MACROD2: variants seen among roughly 807,000 people sequenced by gnomAD.
MACROD2 encodes the protein mono-ADP ribosylhydrolase 2.
MACROD2 carries 36 observed loss-of-function variants against 70.4 expected under a neutral mutation model. The observed-to-expected ratio is 0.51, with a 90% CI of 0.39 to 0.68. The LOEUF (loss-of-function observed/expected upper bound fraction) is 0.68. Among genes scored for constraint, MACROD2 ranks in the 30% least tolerant of loss-of-function variants. The probability of loss-of-function intolerance (pLI) is 0.00; values close to 1 mark genes in which losing one functional copy is unlikely to be tolerated. For synonymous variants in MACROD2, 172 were observed against 178.8 expected (o/e 0.96, Z 0.30); for missense variants, 496 against 538.4 (o/e 0.92, Z 0.78).
intron 5 of MACROD2, among the ~76,000 whole-genome samples, chr20:14,744,447 AT>A (rs1390635703): frequency 6.6e-6 from 1 of 152,154 alleles, no homozygotes; most frequent in African/African-American, 2.4e-5. Context: ...TTACATAATT[AT>A]CATGTTTGTG....
At chr20:15,344,563 A>G (rs762362268) in intron 6 of MACROD2, among the ~76,000 whole-genome samples, 1 of 152,068 alleles carries the variant, frequency 6.6e-6, no homozygotes, top group Non-Finnish European at 1.5e-5. Context: ...GTATAGAAAC[A>G]ATTATTTTTT....
chr20:15,633,334 A>G (rs1454160267), intron 8 of MACROD2, among the ~76,000 whole-genome samples: 1 of 152,220 alleles, frequency 6.6e-6, no homozygotes, highest in African/African-American at 2.4e-5. Context: ...AGTAAGCACT[A>G]TAAGTAAGAA....
chr20:15,352,077 C>G (rs1369006312), intron 6 of MACROD2, among the ~76,000 whole-genome samples: 4 of 152,136 alleles, frequency 2.6e-5, no homozygotes, highest in Non-Finnish European at 5.9e-5. Context: ...GAAGCTCAAA[C>G]TGAGGCAGCC....
intron 6 of MACROD2, among the ~76,000 whole-genome samples, chr20:15,239,693 C>T (rs1481419932): frequency 6.6e-6 from 1 of 152,086 alleles, no homozygotes; most frequent in Non-Finnish European, 1.5e-5. Flanking sequence ...GGATGCACAA[C>T]AGAAAAGCTT....
chr20:14,168,316 T>A (rs938790275), intron 3 of MACROD2, among the ~76,000 whole-genome samples: 2 of 152,208 alleles, frequency 1.3e-5, no homozygotes, highest in Non-Finnish European at 2.9e-5. Context: ...ACCTTCTAAG[T>A]TGTTGCAGCA....
At chr20:15,106,860 C>G (rs776408990) in intron 5 of MACROD2, among the ~76,000 whole-genome samples, 18 of 151,636 alleles carry the variant, frequency 1.2e-4, no homozygotes, top group Non-Finnish European at 2.1e-4. Context: ...GGTATAGCAA[C>G]AGCATTGAAC....
intron 6 of MACROD2, among the ~76,000 whole-genome samples, chr20:15,302,522 A>C (rs1195623478): frequency 2.0e-5 from 3 of 151,742 alleles, no homozygotes; most frequent in Non-Finnish European, 2.9e-5. Flanking sequence ...GAACTCACTC[A>C]TTCTTAAATA....
At chr20:14,848,007 A>C (rs750365555) in intron 5 of MACROD2, among the ~76,000 whole-genome samples, 3 of 152,226 alleles carry the variant, frequency 2.0e-5, no homozygotes, top group Non-Finnish European at 4.4e-5. Flanking sequence ...TGAATGTGGA[A>C]AAATGCTATT....
At chr20:14,626,497 C>T (rs1469342988) in intron 4 of MACROD2, among the ~76,000 whole-genome samples, 1 of 152,066 alleles carries the variant, frequency 6.6e-6, no homozygotes, top group Non-Finnish European at 1.5e-5. Context: ...TCCTAGTCAC[C>T]CTTTAGGGAC....
At position 14,944,485 on chromosome 20, in the gene MACROD2, C is replaced by G. The variant is rs139052899; in HGVS notation, c.418+259526C>G. Among the ~76,000 whole-genome samples the G allele has an allele frequency of 5.2e-3, 796 of 152,236 alleles. 3 individuals carry two copies. Among genetic ancestry groups the G allele is most frequent in the Middle Eastern group, 0.034 (10 of 294 alleles). ...ATCCCCAATGATAACTTTTCTCATC[C>G]GGTACTGTCAGTACTAGGCTTGTCT... On this transcript the variant is annotated intron_variant, in intron 5 of 17. Coordinates refer to ENST00000684519, the MANE Select transcript of MACROD2 (RefSeq NM_001351661.2).
At chr20:15,670,205 A>G (rs2049960538) in intron 8 of MACROD2, among the ~76,000 whole-genome samples, 1 of 152,232 alleles carries the variant, frequency 6.6e-6, no homozygotes. Flanking sequence ...CAACAGTTAA[A>G]TAGAGTTAAA....
intron 8 of MACROD2, among the ~76,000 whole-genome samples, chr20:15,736,860 C>T (rs144307280): frequency 1.5e-3 from 225 of 152,210 alleles, no homozygotes; most frequent in African/African-American, 5.2e-3. Flanking sequence ...GAACCACTCT[C>T]CCATTGATAT....
At chr20:14,762,366 C>T (rs1325124278) in intron 5 of MACROD2, among the ~76,000 whole-genome samples, 2 of 152,120 alleles carry the variant, frequency 1.3e-5, no homozygotes, top group South Asian at 2.1e-4. Flanking sequence ...ATTCTTCTTT[C>T]TCAGCTCCTT....
chr20:14,293,440 TAA>T (rs1303902434), intron 3 of MACROD2, among the ~76,000 whole-genome samples: 2 of 151,814 alleles, frequency 1.3e-5, no homozygotes, highest in Non-Finnish European at 2.9e-5. Context: ...AAAGCCTCTT[TAA>T]AGAGATGACA....
At chr20:15,504,316 C>T (rs577329930) in intron 8 of MACROD2, among the ~76,000 whole-genome samples, 82 of 152,212 alleles carry the variant, frequency 5.4e-4, no homozygotes, top group Admixed American at 1.8e-3. Flanking sequence ...ACACACAGCA[C>T]AGTGGCTCAA....
intron 8 of MACROD2, among the ~76,000 whole-genome samples, chr20:15,853,121 G>A (rs2064318558): frequency 1.3e-5 from 2 of 152,156 alleles, no homozygotes; most frequent in Admixed American, 6.5e-5. Flanking sequence ...GGCTTACAAG[G>A]TCAGGGTAGA....
At chr20:15,398,815 ATTTTG>A (rs546092421) in intron 6 of MACROD2, among the ~76,000 whole-genome samples, 4,292 of 151,940 alleles carry the variant, frequency 0.028, 93 homozygotes, top group Non-Finnish European at 0.043. Flanking sequence ...GTTCTGTTTT[ATTTTG>A]TTTTGTTTTG....
chr20:15,365,603 G>T (rs2045397885), intron 6 of MACROD2, among the ~76,000 whole-genome samples: 1 of 151,784 alleles, frequency 6.6e-6, no homozygotes. Flanking sequence ...AGAGGTTGCA[G>T]TGAGCCGAGA....
chr20:14,469,494 G>T (rs1387843024), intron 3 of MACROD2, among the ~76,000 whole-genome samples: 1 of 151,976 alleles, frequency 6.6e-6, no homozygotes, highest in African/African-American at 2.4e-5. Flanking sequence ...GGTTGGGGAA[G>T]TTCTGGATAA....
Sources: gnomAD v4.1 joint callset for allele counts (sites outside exome capture counted in the v4.1 genomes callset) on GRCh38, gnomAD v4.1.1 for gene constraint, MANE v1.5 for transcripts, NCBI Gene and HGNC (gene_info 2026-07-23, HGNC 2026-07-21) for gene names.